The following PCDHA13 variants were observed in gnomAD, a reference collection of about 807,000 sequenced individuals.
PCDHA13 encodes the protein protocadherin alpha 13.
Under a neutral mutation model 64.8 loss-of-function variants are expected in PCDHA13, and 54 were observed. The ratio of observed to expected loss-of-function variants is 0.83; its 90% CI spans 0.67 to 1.04. PCDHA13 has a LOEUF of 1.04. Among genes scored for constraint, PCDHA13 ranks in the 50% least tolerant of loss-of-function variants. PCDHA13 has a pLI of 0.00. For missense variants in PCDHA13, 1,248 were observed against 1,254.3 expected, an observed-to-expected ratio of 0.99 and a Z score of 0.08; for synonymous variants, 587 against 564.4, an observed-to-expected ratio of 1.04 and a Z score of -0.57.
At chr5:140,896,517 A>G (rs1300184594) in intron 1 of PCDHA13, among the ~76,000 whole-genome samples, 1 of 149,680 alleles carries the variant, frequency 6.7e-6, no homozygotes, top group African/African-American at 2.5e-5. Flanking sequence ...GGCACACACC[A>G]CAAAGCCCAG....
chr5:141,001,488 ATGCTAGCCCAGGT>A (rs1261759985), intron 3 of PCDHA13, among the ~76,000 whole-genome samples: 3 of 152,210 alleles, frequency 2.0e-5, no homozygotes, highest in Non-Finnish European at 4.4e-5. Flanking sequence ...AGTGCTGGAA[ATGCTAGCCCAGGT>A]GGGCTTAGCT....
At chr5:140,891,502 T>C (rs11748559) in intron 1 of PCDHA13, among the ~76,000 whole-genome samples, 18,999 of 152,020 alleles carry the variant, frequency 0.12, 1,247 homozygotes, top group Middle Eastern at 0.19. Context: ...TCCTCAGCTA[T>C]AATGTTCTCC....
chr5:140,968,801 G>T, intron 1 of PCDHA13: 1 of 1,614,216 alleles, frequency 6.2e-7, no homozygotes, highest in Non-Finnish European at 8.5e-7. Context: ...CATTACAGTA[G>T]CTGTGGTGGA....
chr5:140,966,501 C>A (rs993120522), intron 1 of PCDHA13: 8 of 436,558 alleles, frequency 1.8e-5, no homozygotes, highest in Admixed American at 8.7e-5. Flanking sequence ...GGAGCTGTAG[C>A]GGCAGCAGCA....
intron 1 of PCDHA13, among the ~76,000 whole-genome samples, chr5:140,937,239 G>C (rs1331547271): frequency 2.0e-5 from 3 of 151,804 alleles, no homozygotes; most frequent in African/African-American, 7.3e-5. Context: ...GGGTTTCACC[G>C]TGTTAGCCAG....
At chr5:140,895,250 T>G (rs2153449407) in intron 1 of PCDHA13, among the ~76,000 whole-genome samples, 1 of 152,318 alleles carries the variant, frequency 6.6e-6, no homozygotes, top group African/African-American at 2.4e-5. Flanking sequence ...TTTTCAAAGC[T>G]TTCTTTTTTT....
chr5:140,882,868 G>A lies in PCDHA13; in HGVS notation c.600G>A (p.Leu200=), dbSNP rs1283664390. Residue 200 remains leucine (L), a synonymous_variant, in exon 1 of 4, where the codon CTG becomes CTA. Coordinates refer to ENST00000289272, the MANE Select transcript of PCDHA13 (RefSeq NM_018904.3). ...SSLSLVLRKT[L]DREEIQEHSL... Reference sequence around the variant, plus strand: ...TATCACTTGTACTGAGGAAAACACTGGACAGAGAGGAAATTCAGGAACATA... The same window carrying A: ...TATCACTTGTACTGAGGAAAACACTAGACAGAGAGGAAATTCAGGAACATA... 25 of 1,614,184 alleles carry A rather than the reference G, an allele frequency of 1.5e-5. No individual in the cohort carries two copies. The highest frequency in any genetic ancestry group is 1.6e-4 in the Middle Eastern group (1 of 6,062).
intron 3 of PCDHA13, among the ~76,000 whole-genome samples, chr5:140,993,307 A>G (rs1388803376): frequency 6.6e-6 from 1 of 152,056 alleles, no homozygotes; most frequent in Non-Finnish European, 1.5e-5. Flanking sequence ...TGCCTCCAGG[A>G]TAATACCTTC....
chr5:140,906,615 T>C (rs2072789527), intron 1 of PCDHA13, among the ~76,000 whole-genome samples: 1 of 152,226 alleles, frequency 6.6e-6, no homozygotes, highest in Admixed American at 6.5e-5. Context: ...TGTATTCCCT[T>C]TGCCTTCAGC....
At chr5:140,991,452 C>T (rs1162146299) in intron 3 of PCDHA13, among the ~76,000 whole-genome samples, 3 of 152,184 alleles carry the variant, frequency 2.0e-5, no homozygotes, top group African/African-American at 7.2e-5. Context: ...TAAAACAACA[C>T]AATGTATTAT....
At chr5:140,979,043 C>A (rs782371496) in intron 2 of PCDHA13, 36 bp downstream of exon 2, 2 of 1,612,500 alleles carry the variant, frequency 1.2e-6, no homozygotes, top group Non-Finnish European at 1.7e-6. Context: ...CAGAAGTAAC[C>A]TTAACTTGGT....
At chr5:140,967,442 G>T in intron 1 of PCDHA13, 1 of 1,613,600 alleles carries the variant, frequency 6.2e-7, no homozygotes, top group Non-Finnish European at 8.5e-7. Context: ...GCACCACCTG[G>T]TTCTCACAGC....
chr5:140,904,082 C>T (rs1189911248), intron 1 of PCDHA13, among the ~76,000 whole-genome samples: 3 of 152,108 alleles, frequency 2.0e-5, no homozygotes, highest in African/African-American at 7.2e-5. Context: ...TATTTGGTTA[C>T]ATGAATAACT....
chr5:140,965,834 G>T (rs1018708290), intron 1 of PCDHA13, among the ~76,000 whole-genome samples: 1 of 152,128 alleles, frequency 6.6e-6, no homozygotes, highest in Admixed American at 6.5e-5. Context: ...TTAAATATTG[G>T]TTATTTGCCA....
intron 1 of PCDHA13, among the ~76,000 whole-genome samples, chr5:140,915,616 GTC>G (rs1166585947): frequency 7.5e-6 from 1 of 134,000 alleles, no homozygotes. Context: ...CTGTCAAACA[GTC>G]TCTTTCTGTC....
intron 1 of PCDHA13, among the ~76,000 whole-genome samples, chr5:140,941,304 C>T (rs1477431460): frequency 4.7e-5 from 4 of 84,830 alleles, no homozygotes; most frequent in African/African-American, 8.5e-5. Flanking sequence ...TTCTTTCTTT[C>T]TTTTTCTTCT....
At position 140,882,997 on chromosome 5, in the gene PCDHA13, C is replaced by T; in HGVS notation, c.729C>T (p.Tyr243=). The T allele has an allele frequency of 6.2e-7, 1 of 1,614,062 alleles. No homozygotes were observed. The highest frequency in any genetic ancestry group is 2.2e-5 in the East Asian group (1 of 44,874). The change falls in exon 1 of 4, where the codon TAC becomes TAT. Residue 243 remains tyrosine (Y), a synonymous_variant. Coordinates refer to ENST00000289272, the MANE Select transcript of PCDHA13 (RefSeq NM_018904.3). The part of the protein sequence containing the change: ...LDVNDNAPEF[Y]QSVYKVTVLE... ...TGAATGACAACGCCCCGGAATTTTA[C>T]CAATCCGTTTATAAAGTGACGGTGT... is the stretch of plus-strand genomic sequence containing the variant.
In PCDHA13 at chr5:140,969,225, C is replaced by T. The variant is rs782766938; in HGVS notation, c.2395-9724C>T. 22 of 1,614,118 alleles carry T rather than the reference C, an allele frequency of 1.4e-5. No homozygotes were observed. Among genetic ancestry groups the T allele is most frequent in the East Asian group, 1.3e-4 (6 of 44,872 alleles). Reference sequence around the variant, plus strand: ...GGGGCCCAGACAGGACCAGGGCCTTCGGGAGCCCAAGCAGCAGTGACTGAC... The same window carrying T: ...GGGGCCCAGACAGGACCAGGGCCTTTGGGAGCCCAAGCAGCAGTGACTGAC... On this transcript the variant is annotated intron_variant, in intron 1 of 3. Coordinates refer to ENST00000289272, the MANE Select transcript of PCDHA13 (RefSeq NM_018904.3).
chr5:140,885,371 C>T (rs2153409645), intron 1 of PCDHA13, among the ~76,000 whole-genome samples: 1 of 152,182 alleles, frequency 6.6e-6, no homozygotes, highest in East Asian at 1.9e-4. Flanking sequence ...CTGAAAGTAC[C>T]TTTTGGCAGT....
Sources: allele counts gnomAD v4.1 joint callset (sites outside exome capture counted in the v4.1 genomes callset), GRCh38; gene constraint gnomAD v4.1.1; transcripts MANE v1.5; gene names NCBI Gene and HGNC (gene_info 2026-07-23, HGNC 2026-07-21).